The following NUDCD1 variants were observed in gnomAD, a reference collection of about 807,000 sequenced individuals.
NUDCD1 encodes nudC domain-containing protein 1.
Under a neutral mutation model 67.8 loss-of-function variants are expected in NUDCD1, and 60 were observed. That is an observed-to-expected ratio of 0.88 (90% CI 0.72 to 1.10). The LOEUF is 1.10. Ranked by LOEUF, NUDCD1 falls within the 50% of genes least tolerant of loss-of-function variation. The probability of loss-of-function intolerance (pLI) is 0.00; values close to 1 mark genes in which losing one functional copy is unlikely to be tolerated. For missense variants in NUDCD1, 643 were observed against 695.0 expected (o/e 0.93, Z 0.84); for synonymous variants, 244 against 230.8 (o/e 1.06, Z -0.52).
chr8:109,300,832 C>G (rs1374555307), intron 2 of NUDCD1, among the ~76,000 whole-genome samples: 1 of 152,174 alleles, frequency 6.6e-6, no homozygotes, highest in Non-Finnish European at 1.5e-5. Context: ...AGGAAAGAAT[C>G]TTAAGAGCTG....
intron 8 of NUDCD1, among the ~76,000 whole-genome samples, chr8:109,270,095 G>GGT (rs1814110091): frequency 7.3e-6 from 1 of 136,236 alleles, no homozygotes; most frequent in African/African-American, 2.9e-5. Context: ...CCTTAAGGTG[G>GGT]GGTGTGAAAT....
Position 109,320,694 on chromosome 8 carries a change from A to G in NUDCD1, c.273+1615T>C, listed in dbSNP as rs1815513917. ...CTGATTGGGGAAGTGATAAGTGTCC[A>G]TGAAATCTTTACAATTTATGTTTAA... On this transcript the variant is annotated intron_variant, in intron 2 of 9. Transcript: ENST00000239690. 2.0e-5 allele frequency among the ~76,000 whole-genome samples: 3 copies of G among 152,378 alleles called. No individual in the cohort carries two copies. In the South Asian group the frequency reaches 6.2e-4, roughly 32 times the overall value.
At chr8:109,296,283 A>G in intron 3 of NUDCD1, 101 bp downstream of exon 3, 2 of 892,056 alleles carry the variant, frequency 2.2e-6, no homozygotes, top group Non-Finnish European at 3.6e-6. Context: ...CAAACAACAG[A>G]TCACATGTAA....
intron 8 of NUDCD1, among the ~76,000 whole-genome samples, chr8:109,259,538 G>T (rs1813818980): frequency 6.6e-6 from 1 of 152,174 alleles, no homozygotes; most frequent in Non-Finnish European, 1.5e-5. Context: ...GATTAACAAG[G>T]TTAGAGGTGT....
chr8:109,321,672 G>C (rs1026229540), intron 2 of NUDCD1, among the ~76,000 whole-genome samples: 4 of 151,948 alleles, frequency 2.6e-5, no homozygotes, highest in Non-Finnish European at 5.9e-5. Context: ...ATAAATGTAA[G>C]CCCTCCAATT....
chr8:109,279,647 T>C (rs144559853), intron 6 of NUDCD1, among the ~76,000 whole-genome samples: 12 of 152,268 alleles, frequency 7.9e-5, no homozygotes, highest in African/African-American at 2.9e-4. Flanking sequence ...TTTCTTTCTT[T>C]TTTTTTTGAG....
chr8:109,322,541 C>CA (rs369420382), intron 1 of NUDCD1, 78 bp from the exon 2 acceptor site: 18,281 of 795,552 alleles, frequency 0.023, 66 homozygotes, highest in African/African-American at 0.058. Flanking sequence ...GCCTACAAGG[C>CA]AAAAAAAAAA....
chr8:109,300,983 T>C (rs1465182821), intron 2 of NUDCD1, among the ~76,000 whole-genome samples: 1 of 151,852 alleles, frequency 6.6e-6, no homozygotes, highest in Non-Finnish European at 1.5e-5. Flanking sequence ...AGCAAGAATT[T>C]TGTATCCAGT....
At position 109,281,086 on chromosome 8, in the gene NUDCD1, T is replaced by G. The variant is rs774552567; in HGVS notation, c.910A>C (p.Ile304Leu). 4.3e-6 allele frequency: 7 copies of G among 1,613,338 alleles called. No individual in the cohort carries two copies. Among genetic ancestry groups the G allele is most frequent in the Non-Finnish European group, 5.1e-6 (6 of 1,179,366 alleles). Residue 304 changes from isoleucine to leucine, a missense_variant, in exon 6 of 10, where the codon ATA (isoleucine) becomes CTA (leucine). By Grantham distance (5) the Ile-to-Leu change is conservative (BLOSUM62 2). Coordinates refer to ENST00000239690, the MANE Select transcript of NUDCD1 (RefSeq NM_032869.4). ...PEDSTKEDIQ[I>L]QFLPDHINIV... ...TTGATGTGATCAGGCAAAAACTGTA[T>G]TTGAATGTCCTCCTTAGTACTGTCT... is the stretch of plus-strand genomic sequence containing the variant.
chr8:109,280,986 A>G lies in NUDCD1; in HGVS notation c.1010T>C (p.Ile337Thr), dbSNP rs753312532. 3 of 1,575,052 alleles carry G rather than the reference A, an allele frequency of 1.9e-6. No individual in the cohort carries two copies. Among genetic ancestry groups the G allele is most frequent in the Non-Finnish European group, 2.6e-6 (3 of 1,147,296 alleles). The change falls in exon 6 of 10, where the codon ATA becomes ACA. Residue 337 changes from isoleucine to threonine, a missense_variant. Physicochemically the swap from Ile to Thr is moderately conservative, Grantham distance 89. Coordinates refer to ENST00000239690, the MANE Select transcript of NUDCD1 (RefSeq NM_032869.4). ...AAAATACCTATTACTCTCTTTAATTATCCATGTACTGCTTTCATGATCAAT... is the reference window on the plus strand; with the variant it reads ...AAAATACCTATTACTCTCTTTAATTGTCCATGTACTGCTTTCATGATCAAT... Reference protein sequence around the residue: ...SSIDHESSTWIIKESNSLEIS... With the variant: ...SSIDHESSTWTIKESNSLEIS...
At chr8:109,306,925 G>A (rs1815121141) in intron 2 of NUDCD1, among the ~76,000 whole-genome samples, 1 of 151,946 alleles carries the variant, frequency 6.6e-6, no homozygotes, top group Non-Finnish European at 1.5e-5. Flanking sequence ...AAGCAGCCCT[G>A]AGAAACATCG....
chr8:109,297,096 T>C (rs1014497767), intron 2 of NUDCD1, among the ~76,000 whole-genome samples: 6 of 152,140 alleles, frequency 3.9e-5, no homozygotes, highest in African/African-American at 1.4e-4. Flanking sequence ...ATATGGTAAG[T>C]GGTTATTGTT....
chr8:109,264,806 CATT>C, intron 8 of NUDCD1, among the ~76,000 whole-genome samples: 1 of 150,056 alleles, frequency 6.7e-6, no homozygotes, highest in South Asian at 2.1e-4. Context: ...TTAATGCAGA[CATT>C]AGAGAGATCT....
chr8:109,262,778 G>A (rs186232687), intron 8 of NUDCD1, among the ~76,000 whole-genome samples: 4 of 152,160 alleles, frequency 2.6e-5, no homozygotes, highest in Admixed American at 2.0e-4. Context: ...GAATGTGGCC[G>A]GGTGTGGTAG....
chr8:109,290,129 T>C (rs1041375418), intron 4 of NUDCD1, among the ~76,000 whole-genome samples, 196 bp from the exon 5 acceptor site: 2 of 152,192 alleles, frequency 1.3e-5, no homozygotes, highest in African/African-American at 2.4e-5. Context: ...TTTTAAAATA[T>C]TGGGTCTGGT....
At chr8:109,283,962 T>C (rs1282463652) in intron 5 of NUDCD1, among the ~76,000 whole-genome samples, 4 of 148,004 alleles carry the variant, frequency 2.7e-5, no homozygotes, top group African/African-American at 1.0e-4. Flanking sequence ...ACATCCCACT[T>C]GAAAGGCACA....
At chr8:109,282,303 C>T (rs150506970) in intron 5 of NUDCD1, among the ~76,000 whole-genome samples, 24 of 152,198 alleles carry the variant, frequency 1.6e-4, no homozygotes, top group Admixed American at 1.3e-3. Flanking sequence ...GCACTGGCTG[C>T]AATTGGCTGT....
chr8:109,330,078 A>G (rs774671078), intron 1 of NUDCD1: 1 of 379,684 alleles, frequency 2.6e-6, no homozygotes, highest in Non-Finnish European at 4.5e-6. Context: ...GGAAACATAT[A>G]AAAACATATA....
intron 2 of NUDCD1, among the ~76,000 whole-genome samples, chr8:109,320,477 T>C (rs1815508521): frequency 6.6e-6 from 1 of 152,216 alleles, no homozygotes; most frequent in South Asian, 2.1e-4. Context: ...GTTATCTCTC[T>C]TACTCCCTGA....
Sources: gnomAD v4.1 joint callset for allele counts (sites outside exome capture counted in the v4.1 genomes callset) on GRCh38, gnomAD v4.1.1 for gene constraint, MANE v1.5 for transcripts, NCBI Gene and HGNC (gene_info 2026-07-23, HGNC 2026-07-21) for gene names.